The following CDH19 variants were observed in gnomAD, a reference collection of about 807,000 sequenced individuals.
CDH19 encodes the protein cadherin-19.
A neutral mutation model predicts 64.2 loss-of-function variants in CDH19; 67 were observed. The ratio of observed to expected loss-of-function variants is 1.04; its 90% CI spans 0.86 to 1.28. CDH19 has a LOEUF of 1.28. Ranked by LOEUF, CDH19 falls within the 50% of genes most tolerant of loss-of-function variation. CDH19 has a pLI of 0.00. For synonymous variants in CDH19, 346 were observed against 319.3 expected (o/e 1.08, Z -0.89); for missense variants, 1,030 against 929.0 (o/e 1.11, Z -1.41).
At chr18:66,593,082 A>G (rs937447100) in intron 1 of CDH19, among the ~76,000 whole-genome samples, 1 of 151,720 alleles carries the variant, frequency 6.6e-6, no homozygotes, top group Non-Finnish European at 1.5e-5. Context: ...AGACTTTTTG[A>G]TAATGGACAT....
intron 10 of CDH19, among the ~76,000 whole-genome samples, chr18:66,510,932 A>C (rs1490111014): frequency 6.6e-6 from 1 of 151,698 alleles, no homozygotes; most frequent in Non-Finnish European, 1.5e-5. Flanking sequence ...GAAAAAATTA[A>C]AACAGAAGTT....
At position 66,543,153 on chromosome 18, in the gene CDH19, G is replaced by A. The variant is rs1192122389; in HGVS notation, c.1214+818C>T. Among the ~76,000 whole-genome samples the A allele has an allele frequency of 5.9e-5, 9 of 152,100 alleles. No individual in the cohort carries two copies. In the East Asian group the frequency reaches 1.6e-3, roughly 26 times the overall value. The stretch of plus-strand genomic sequence containing the variant: ...CCATTCTCCTGCCTCAGCCTCCTGA[G>A]TAGCTGGGACTACAGGTGCCCGCCG... On this transcript the variant is annotated intron_variant, in intron 7 of 11. Coordinates refer to ENST00000262150, the MANE Select transcript of CDH19 (RefSeq NM_021153.4).
At chr18:66,551,022 C>CTATATAATATATA in intron 5 of CDH19, 72 bp downstream of exon 5, 1 of 789,170 alleles carries the variant, frequency 1.3e-6, no homozygotes, top group Non-Finnish European at 2.0e-6. Flanking sequence ...AGAATGAAAA[C>CTATATAATATATA]TATATAATCT....
rs1205865396 is a variant in CDH19, at chr18:66,520,618, A to G, written c.1459-8933T>C. On this transcript the variant is annotated intron_variant, in intron 9 of 11. Coordinates refer to ENST00000262150, the MANE Select transcript of CDH19 (RefSeq NM_021153.4). ...TTGGAGAATTTTATATTGTTTTAAA[A>G]TTTTATATTTTACCCATTCTACCTA... Among the ~76,000 whole-genome samples the G allele has an allele frequency of 2.0e-5, 3 of 152,050 alleles. No homozygotes were observed. The East Asian group carries it at 5.8e-4, about 29-fold the overall frequency.
chr18:66,572,653 A>G (rs1429024690), intron 1 of CDH19, among the ~76,000 whole-genome samples: 1 of 151,706 alleles, frequency 6.6e-6, no homozygotes, highest in African/African-American at 2.4e-5. Context: ...ATTCTTTCTC[A>G]GTAAAATACA....
At chr18:66,593,650 A>G (rs1264037546) in intron 1 of CDH19, among the ~76,000 whole-genome samples, 1 of 152,150 alleles carries the variant, frequency 6.6e-6, no homozygotes, top group Non-Finnish European at 1.5e-5. Flanking sequence ...TCACTGAAAG[A>G]GACCACAACA....
At chr18:66,585,706 A>G (rs764698426) in intron 1 of CDH19, among the ~76,000 whole-genome samples, 2 of 152,160 alleles carry the variant, frequency 1.3e-5, no homozygotes, top group Non-Finnish European at 2.9e-5. Context: ...AAAAATATAC[A>G]CACATAAAAA....
At chr18:66,581,637 C>T (rs1988423581) in intron 1 of CDH19, among the ~76,000 whole-genome samples, 1 of 151,990 alleles carries the variant, frequency 6.6e-6, no homozygotes, top group African/African-American at 2.4e-5. Context: ...GGATATCAGA[C>T]TTTAGGTTCT....
chr18:66,510,430 C>A (rs1555683180), intron 10 of CDH19, among the ~76,000 whole-genome samples: 1 of 148,220 alleles, frequency 6.7e-6, no homozygotes, highest in Non-Finnish European at 1.5e-5. Context: ...ATAAATTAAT[C>A]TATATATACA....
intron 9 of CDH19, among the ~76,000 whole-genome samples, chr18:66,524,608 T>G (rs1986148633): frequency 6.8e-6 from 1 of 147,890 alleles, no homozygotes; most frequent in Non-Finnish European, 1.5e-5. Flanking sequence ...CTATCTGTAT[T>G]TGTTAATTAA....
chr18:66,504,847 A>G lies in CDH19; in HGVS notation c.2284T>C (p.Cys762Arg). 2 of 1,607,936 alleles carry G rather than the reference A, an allele frequency of 1.2e-6. No individual in the cohort carries two copies. Among genetic ancestry groups the G allele is most frequent in the Non-Finnish European group, 8.5e-7 (1 of 1,175,084 alleles). ...GACTGCACTGCAGAACCAAACATGC[A>G]TGCTAATCTTTTAAAGCGAGGTCCC... ...ELGPRFKRLA[C>R]MFGSAVQSNN Residue 762 changes from cysteine (C) to arginine (R), a missense_variant, in exon 12 of 12, where the codon TGC (cysteine) becomes CGC (arginine). Cys to Arg is a radical substitution (Grantham distance 180). Transcript: ENST00000262150.
intron 1 of CDH19, among the ~76,000 whole-genome samples, chr18:66,577,943 G>A (rs1471929671): frequency 6.6e-6 from 1 of 151,874 alleles, no homozygotes. Flanking sequence ...CAGCAGCAGA[G>A]CATCTTCAAA....
chr18:66,544,969 TTTTGTTTGTTTG>T (rs993565876), intron 5 of CDH19, 66 bp from the exon 6 acceptor site: 30 of 1,225,558 alleles, frequency 2.4e-5, no homozygotes, highest in Non-Finnish European at 2.0e-5. Context: ...AATTATAGTT[TTTTGTTTGTTTG>T]TTTGTTTGTT....
At chr18:66,592,315 G>A (rs1247162273) in intron 1 of CDH19, among the ~76,000 whole-genome samples, 2 of 151,846 alleles carry the variant, frequency 1.3e-5, no homozygotes, top group African/African-American at 2.4e-5. Context: ...TGTATTCAAT[G>A]TGTGATGATA....
At chr18:66,519,585 T>C (rs555232934) in intron 9 of CDH19, among the ~76,000 whole-genome samples, 2 of 152,268 alleles carry the variant, frequency 1.3e-5, no homozygotes, top group South Asian at 2.1e-4. Context: ...CATCTCATGG[T>C]TTCCTATACA....
At chr18:66,553,385 G>A (rs1987409003) in intron 4 of CDH19, among the ~76,000 whole-genome samples, 1 of 133,300 alleles carries the variant, frequency 7.5e-6, no homozygotes, top group East Asian at 1.9e-4. Flanking sequence ...CCATACATTT[G>A]AAAAAATAAA....
intron 1 of CDH19, among the ~76,000 whole-genome samples, chr18:66,588,605 C>CATGTATATATATATATAT (rs1988644388): frequency 8.6e-6 from 1 of 116,736 alleles, no homozygotes; most frequent in African/African-American, 2.7e-5. Context: ...TTTTACTAAT[C>CATGTATATATATATATAT]ATATATATCT....
chr18:66,577,423 A>G (rs1037177050), intron 1 of CDH19, among the ~76,000 whole-genome samples: 1 of 151,948 alleles, frequency 6.6e-6, no homozygotes, highest in African/African-American at 2.4e-5. Context: ...AAATACACCT[A>G]CATTTATGTG....
chr18:66,599,972 C>A (rs997097739), intron 1 of CDH19, among the ~76,000 whole-genome samples: 1 of 151,680 alleles, frequency 6.6e-6, no homozygotes, highest in Non-Finnish European at 1.5e-5. Flanking sequence ...CAGTCATGAA[C>A]GTTTATGAAA....
Sources: gnomAD v4.1 joint callset for allele counts (sites outside exome capture counted in the v4.1 genomes callset) on GRCh38, gnomAD v4.1.1 for gene constraint, MANE v1.5 for transcripts, NCBI Gene and HGNC (gene_info 2026-07-23, HGNC 2026-07-21) for gene names.